CAMK1D: variants seen among roughly 807,000 people sequenced by gnomAD.
CAMK1D encodes the protein calcium/calmodulin dependent protein kinase ID, also known as calcium/calmodulin-dependent protein kinase type 1D.
In CAMK1D, 9 loss-of-function variants were observed where a neutral mutation model predicts 47.7. That is an observed-to-expected ratio of 0.19 (90% CI 0.11 to 0.33). CAMK1D has a LOEUF of 0.33. Among genes scored for constraint, CAMK1D ranks in the 10% least tolerant of loss-of-function variants. CAMK1D has a pLI of 1.00. For synonymous variants in CAMK1D, 184 were observed against 184.9 expected, an observed-to-expected ratio of 0.99 and a Z score of 0.04; for missense variants, 291 against 488.7, an observed-to-expected ratio of 0.60 and a Z score of 3.81.
At chr10:12,649,443 A>G (rs555438420) in intron 2 of CAMK1D, among the ~76,000 whole-genome samples, 30 of 152,338 alleles carry the variant, frequency 2.0e-4, no homozygotes, top group South Asian at 1.7e-3. Context: ...GCGTCCACGG[A>G]AATTCCACCA....
intron 2 of CAMK1D, among the ~76,000 whole-genome samples, chr10:12,637,877 G>A (rs904234935): frequency 4.6e-5 from 7 of 152,238 alleles, no homozygotes; most frequent in East Asian, 3.9e-4. Flanking sequence ...GAAAGAAAGC[G>A]CTGCAGAGGC....
intron 1 of CAMK1D, among the ~76,000 whole-genome samples, chr10:12,377,928 C>A (rs1838229977): frequency 6.6e-6 from 1 of 152,224 alleles, no homozygotes; most frequent in Non-Finnish European, 1.5e-5. Context: ...TAAACTATAT[C>A]TTGCATTAGG....
At chr10:12,782,633 C>G (rs536835891) in intron 5 of CAMK1D, among the ~76,000 whole-genome samples, 48 of 152,308 alleles carry the variant, frequency 3.2e-4, no homozygotes, top group African/African-American at 1.1e-3. Flanking sequence ...CCTTCCCCCA[C>G]CAGCAGGGGG....
At chr10:12,410,215 A>G (rs559316715) in intron 1 of CAMK1D, among the ~76,000 whole-genome samples, 1 of 152,322 alleles carries the variant, frequency 6.6e-6, no homozygotes, top group South Asian at 2.1e-4. Flanking sequence ...TGAATTTGCT[A>G]GCAATTTTGA....
intron 2 of CAMK1D, among the ~76,000 whole-genome samples, chr10:12,635,402 T>A (rs1453039409): frequency 6.6e-6 from 1 of 152,238 alleles, no homozygotes; most frequent in African/African-American, 2.4e-5. Context: ...TGTTCAGATG[T>A]CACCGATGGG....
At position 12,388,436 on chromosome 10, in the gene CAMK1D, A is replaced by G. The variant is rs991341816; in HGVS notation, c.92+38526A>G. ...CAGCTTCTAGATTCTCTGTCTGTCAATAAGAGTGTCGAGGTTTAGAGCAGA... is the reference window on the plus strand; with the variant it reads ...CAGCTTCTAGATTCTCTGTCTGTCAGTAAGAGTGTCGAGGTTTAGAGCAGA... On this transcript the variant is annotated intron_variant, in intron 1 of 10. Transcript: ENST00000619168. Among the ~76,000 whole-genome samples, 3 of 152,158 alleles carry G rather than the reference A, an allele frequency of 2.0e-5. No homozygotes were observed. The East Asian group carries it at 5.8e-4, about 29-fold the overall frequency.
intron 6 of CAMK1D, among the ~76,000 whole-genome samples, chr10:12,795,976 G>A (rs977535947): frequency 1.3e-5 from 2 of 152,194 alleles, no homozygotes; most frequent in Non-Finnish European, 2.9e-5. Flanking sequence ...GCTCAGCCAA[G>A]ATAGCATAAG....
chr10:12,600,686 C>T lies in CAMK1D; in HGVS notation c.224+47330C>T, dbSNP rs150880480. 4.2e-3 allele frequency among the ~76,000 whole-genome samples: 644 copies of T among 152,246 alleles called. 3 individuals are homozygous for T. Among genetic ancestry groups the T allele is most frequent in the African/African-American group, 0.014 (588 of 41,528 alleles). On this transcript the variant is annotated intron_variant, in intron 2 of 10. Coordinates refer to ENST00000619168, the MANE Select transcript of CAMK1D (RefSeq NM_153498.4). ...ACAGTTTTGTTACATGGATCTATTGCGTAGTGGTGAATTCTGAGCTTTTGG... is the reference window on the plus strand; with the variant it reads ...ACAGTTTTGTTACATGGATCTATTGTGTAGTGGTGAATTCTGAGCTTTTGG...
intron 1 of CAMK1D, among the ~76,000 whole-genome samples, chr10:12,443,369 G>T (rs559805483): frequency 6.6e-6 from 1 of 152,222 alleles, no homozygotes; most frequent in African/African-American, 2.4e-5. Flanking sequence ...ACAGAAACAA[G>T]GATAGAAGCT....
chr10:12,445,809 G>C (rs1231803949), intron 1 of CAMK1D, among the ~76,000 whole-genome samples: 1 of 152,198 alleles, frequency 6.6e-6, no homozygotes, highest in Non-Finnish European at 1.5e-5. Context: ...GTGCCTGACT[G>C]TTGTTTGCTG....
intron 1 of CAMK1D, among the ~76,000 whole-genome samples, chr10:12,446,075 A>G (rs997605990): frequency 6.6e-6 from 1 of 152,144 alleles, no homozygotes; most frequent in Admixed American, 6.5e-5. Flanking sequence ...CTCAATTATT[A>G]CTTCATCCTT....
intron 3 of CAMK1D, among the ~76,000 whole-genome samples, chr10:12,722,190 T>A (rs1385946890): frequency 1.3e-5 from 2 of 152,036 alleles, no homozygotes. Context: ...ACGCCTGTAA[T>A]CCCAGCACTT....
chr10:12,684,012 C>G (rs1357685646), intron 3 of CAMK1D, among the ~76,000 whole-genome samples: 1 of 151,990 alleles, frequency 6.6e-6, no homozygotes, highest in Admixed American at 6.6e-5. Context: ...GTCGTTAAAA[C>G]ATACAAATTA....
intron 1 of CAMK1D, among the ~76,000 whole-genome samples, chr10:12,545,756 C>T (rs1227239326): frequency 2.7e-5 from 4 of 146,840 alleles, no homozygotes; most frequent in Non-Finnish European, 4.4e-5. Context: ...GCCACGATGG[C>T]AGCACTGCAC....
At position 12,383,671 on chromosome 10, in the gene CAMK1D, G is replaced by A. The variant is rs535440518; in HGVS notation, c.92+33761G>A. Among the ~76,000 whole-genome samples, 4 of 152,234 alleles carry A rather than the reference G, an allele frequency of 2.6e-5. No homozygotes were observed. The South Asian group carries it at 6.2e-4, about 24-fold the overall frequency. Reference sequence around the variant, plus strand: ...TGTATTGGGAAATAAGCATACTTAGGTCCTTTTATGAATGGACATAACAGC... The same window carrying A: ...TGTATTGGGAAATAAGCATACTTAGATCCTTTTATGAATGGACATAACAGC... On this transcript the variant is annotated intron_variant, in intron 1 of 10. Transcript: ENST00000619168.
chr10:12,388,389 T>C (rs1588431440), intron 1 of CAMK1D, among the ~76,000 whole-genome samples: 1 of 152,210 alleles, frequency 6.6e-6, no homozygotes, highest in East Asian at 1.9e-4. Context: ...GTTTTCTTGC[T>C]TTCAGCTTTT....
At chr10:12,665,056 C>A (rs1238283400) in intron 2 of CAMK1D, among the ~76,000 whole-genome samples, 1 of 152,158 alleles carries the variant, frequency 6.6e-6, no homozygotes, top group Non-Finnish European at 1.5e-5. Context: ...TCAAGTTAAG[C>A]TCTCTTGGTT....
In CAMK1D at chr10:12,828,998, C is replaced by A; in HGVS notation, c.*111C>A. The A allele has an allele frequency of 1.4e-6, 1 of 727,652 alleles. No individual in the cohort carries two copies. The highest frequency in any genetic ancestry group is 2.2e-6 in the Non-Finnish European group (1 of 453,238). 45.1% of individuals were successfully genotyped at this position (727,652 alleles called of 1,614,324 possible). ...CCACCTTGCATGGTGCCCCTTCCTGCATAGGACTGGAAGACCGAAGTTTTT... is the reference window on the plus strand; with the variant it reads ...CCACCTTGCATGGTGCCCCTTCCTGAATAGGACTGGAAGACCGAAGTTTTT... On this transcript the variant is annotated 3_prime_UTR_variant, in exon 11 of 11. Coordinates refer to ENST00000619168, the MANE Select transcript of CAMK1D (RefSeq NM_153498.4).
At chr10:12,592,079 T>G (rs1012836611) in intron 2 of CAMK1D, among the ~76,000 whole-genome samples, 1 of 152,234 alleles carries the variant, frequency 6.6e-6, no homozygotes, top group East Asian at 1.9e-4. Flanking sequence ...CGTTGATTGC[T>G]TGGCTGAAAT....
Sources: gnomAD v4.1 joint callset for allele counts (sites outside exome capture counted in the v4.1 genomes callset) on GRCh38, gnomAD v4.1.1 for gene constraint, MANE v1.5 for transcripts, NCBI Gene and HGNC (gene_info 2026-07-23, HGNC 2026-07-21) for gene names.